ANKRD50: variants seen among roughly 807,000 people sequenced by gnomAD.
ANKRD50 encodes the protein ankyrin repeat domain 50, also known as ankyrin repeat domain-containing protein 50.
In ANKRD50, 40 loss-of-function variants were observed where a neutral mutation model predicts 112.0. That is an observed-to-expected ratio of 0.36 (90% confidence interval 0.28 to 0.46). The LOEUF is 0.46. ANKRD50 is among the 20% of genes least tolerant of loss of function. ANKRD50 has a pLI of 1.00. For missense variants in ANKRD50, 1,487 were observed against 1,701.7 expected (o/e 0.87, Z 2.22); for synonymous variants, 613 against 619.1 (o/e 0.99, Z 0.15).
chr4:124,666,852 G>T lies in ANKRD50; in HGVS notation c.*666C>A, dbSNP rs1730504161. 6.6e-6 allele frequency: 1 copy of T among 152,272 alleles called. No homozygotes were observed. The highest frequency in any genetic ancestry group is 1.5e-5 in the Non-Finnish European group (1 of 67,882). 9.4% of individuals were successfully genotyped at this position (152,272 alleles called of 1,614,324 possible). ...TGACATGTTTAGCCAGAGATGAGAA[G>T]AATTCTACTGGGAAAATCCAGATTT... On this transcript the variant is annotated 3_prime_UTR_variant, in exon 5 of 5. Transcript: ENST00000504087.
intron 2 of ANKRD50, among the ~76,000 whole-genome samples, chr4:124,682,609 G>T (rs1179879981): frequency 1.3e-5 from 2 of 151,956 alleles, no homozygotes; most frequent in Non-Finnish European, 2.9e-5. Context: ...TTAAGTAACT[G>T]GCCCCTGTAT....
At chr4:124,676,567 G>T (rs910866192) in intron 3 of ANKRD50, among the ~76,000 whole-genome samples, 1 of 151,406 alleles carries the variant, frequency 6.6e-6, no homozygotes, top group Non-Finnish European at 1.5e-5. Flanking sequence ...TAATTGTAAA[G>T]GAAGTCAATA....
rs556108859 is a variant in ANKRD50 at position 124,687,550 on chromosome 4, T to C, written c.513-8645A>G. ...AAAACTTGACTTTATCAAAATTAGCTATAGCTATTAGATACTGTTAAGATA... is the reference window on the plus strand; with the variant it reads ...AAAACTTGACTTTATCAAAATTAGCCATAGCTATTAGATACTGTTAAGATA... On this transcript the variant is annotated intron_variant, in intron 2 of 4. Transcript: ENST00000504087. Among the ~76,000 whole-genome samples the C allele has an allele frequency of 3.3e-5, 5 of 152,252 alleles. No individual in the cohort carries two copies. In the East Asian group the frequency reaches 9.7e-4, roughly 29 times the overall value.
chr4:124,698,401 A>C (rs542978286), intron 2 of ANKRD50, among the ~76,000 whole-genome samples: 1 of 151,812 alleles, frequency 6.6e-6, no homozygotes, highest in African/African-American at 2.4e-5. Flanking sequence ...TATTACATAT[A>C]TATACTATTT....
chr4:124,686,235 A>G (rs1440540473), intron 2 of ANKRD50, among the ~76,000 whole-genome samples: 3 of 152,216 alleles, frequency 2.0e-5, no homozygotes, highest in African/African-American at 7.2e-5. Flanking sequence ...GTTTCTATGA[A>G]ACATCAGGTT....
intron 3 of ANKRD50, among the ~76,000 whole-genome samples, 158 bp downstream of exon 3, chr4:124,678,518 C>T (rs541721755): frequency 6.6e-6 from 1 of 152,150 alleles, no homozygotes; most frequent in East Asian, 1.9e-4. Flanking sequence ...TAAAAACATG[C>T]TAAGGCTTTT....
At chr4:124,668,673 C>T (rs931185344) in intron 4 of ANKRD50, among the ~76,000 whole-genome samples, 28 of 151,964 alleles carry the variant, frequency 1.8e-4, no homozygotes, top group African/African-American at 6.5e-4. Flanking sequence ...ACATGAAATA[C>T]AGTAGTGAAC....
At position 124,680,583 on chromosome 4, in the gene ANKRD50, A is replaced by G. The variant is rs563320610; in HGVS notation, c.513-1678T>C. On this transcript the variant is annotated intron_variant, in intron 2 of 4. Coordinates refer to ENST00000504087, the MANE Select transcript of ANKRD50 (RefSeq NM_020337.3). ...ACCTACTCTATTGTATCTTAAACAT[A>G]TATTTTGTCCATTATGAGCATAAAG... is the stretch of plus-strand genomic sequence containing the variant. 1.6e-3 allele frequency among the ~76,000 whole-genome samples: 246 copies of G among 152,320 alleles called. 1 individual carries two copies. Among genetic ancestry groups the G allele is most frequent in the Non-Finnish European group, 2.6e-3 (176 of 68,036 alleles).
rs556606716 is a variant in ANKRD50 at position 124,685,682 on chromosome 4, G to A, written c.513-6777C>T. 1.8e-3 allele frequency among the ~76,000 whole-genome samples: 275 copies of A among 152,208 alleles called. 5 individuals carry two copies. Among genetic ancestry groups the A allele is most frequent in the South Asian group, 2.7e-3 (13 of 4,810 alleles). On this transcript the variant is annotated intron_variant, in intron 2 of 4. Transcript: ENST00000504087. ...ACGGTATTGTACAGGGTTTGACTTT[G>A]TATGTGTATCTTAACTAAATGTCTT...
At chr4:124,697,164 G>C (rs1725273432) in intron 2 of ANKRD50, among the ~76,000 whole-genome samples, 1 of 152,184 alleles carries the variant, frequency 6.6e-6, no homozygotes, top group Non-Finnish European at 1.5e-5. Context: ...AAGAAGTTGA[G>C]TAAGCAGTTA....
At chr4:124,712,416 G>C (rs889079927) in intron 1 of ANKRD50, 42 bp downstream of exon 1, 1 of 156,684 alleles carries the variant, frequency 6.4e-6, no homozygotes, top group African/African-American at 2.4e-5. Context: ...CCAACCCGAG[G>C]GAGGGGCCTC....
chr4:124,688,560 CAA>C (rs1186400713), intron 2 of ANKRD50, among the ~76,000 whole-genome samples: 1 of 152,170 alleles, frequency 6.6e-6, no homozygotes, highest in African/African-American at 2.4e-5. Flanking sequence ...CTTTGAAACG[CAA>C]AAGACATAGC....
At chr4:124,675,113 T>A (rs944964060) in intron 3 of ANKRD50, among the ~76,000 whole-genome samples, 12 of 151,852 alleles carry the variant, frequency 7.9e-5, no homozygotes, top group African/African-American at 2.4e-5. Context: ...CCTACCTCCC[T>A]ATTTCTTTTC....
At chr4:124,699,677 C>T (rs1172292775) in intron 2 of ANKRD50, among the ~76,000 whole-genome samples, 1 of 151,110 alleles carries the variant, frequency 6.6e-6, no homozygotes, top group Non-Finnish European at 1.5e-5. Flanking sequence ...AAATTAATTT[C>T]AATGTAAATT....
chr4:124,711,426 C>T (rs2242378), intron 1 of ANKRD50, among the ~76,000 whole-genome samples, 152 bp from the exon 2 acceptor site: 28,213 of 152,102 alleles, frequency 0.19, 2,703 homozygotes, highest in South Asian at 0.24. Context: ...ACAAAAACCA[C>T]TGAAATAATC....
intron 2 of ANKRD50, among the ~76,000 whole-genome samples, chr4:124,709,053 GAA>G (rs1207727589): frequency 7.0e-6 from 1 of 143,620 alleles, no homozygotes; most frequent in African/African-American, 2.6e-5. Flanking sequence ...CACTCAAGCA[GAA>G]GAGAGCCACA....
chr4:124,677,898 C>T (rs778581144), intron 3 of ANKRD50, among the ~76,000 whole-genome samples: 1 of 152,018 alleles, frequency 6.6e-6, no homozygotes, highest in Non-Finnish European at 1.5e-5. Flanking sequence ...ATACTAAATG[C>T]TACGTTAAGT....
intron 2 of ANKRD50, among the ~76,000 whole-genome samples, chr4:124,701,118 C>T (rs1028769017): frequency 6.6e-6 from 1 of 152,172 alleles, no homozygotes; most frequent in Non-Finnish European, 1.5e-5. Context: ...CATGTACCAC[C>T]ATGCTCGACT....
Position 124,671,076 on chromosome 4 carries a change from A to C in ANKRD50, c.2201T>G (p.Leu734Ter). The C allele has an allele frequency of 6.2e-7, 1 of 1,613,780 alleles. No homozygotes were observed. The highest frequency in any genetic ancestry group is 8.5e-7 in the Non-Finnish European group (1 of 1,179,844). Residue 734 changes from leucine (L) to a stop codon, truncating the protein, a stop_gained, in exon 4 of 5, where the codon TTA becomes TGA. Transcript: ENST00000504087. LOFTEE classifies it high-confidence loss of function. Reference sequence around the variant, plus strand: ...ATCTACTTCAGCACCTCGATCAATTAAAAGGCTAACAACTGATGCGTGCCC... The same window carrying C: ...ATCTACTTCAGCACCTCGATCAATTCAAAGGCTAACAACTGATGCGTGCCC... ...SKGHASVVSL[L>*]IDRGAEVDHC...
Sources: gnomAD v4.1 joint callset for allele counts (sites outside exome capture counted in the v4.1 genomes callset) on GRCh38, gnomAD v4.1.1 for gene constraint, MANE v1.5 for transcripts, NCBI Gene and HGNC (gene_info 2026-07-23, HGNC 2026-07-21) for gene names.